Variants in PIP5K1A observed in about 807,000 individuals in gnomAD.
The protein encoded by PIP5K1A is phosphatidylinositol-4-phosphate 5-kinase type 1 alpha, also known as phosphatidylinositol 4-phosphate 5-kinase type-1 alpha.
A neutral mutation model predicts 72.9 loss-of-function variants in PIP5K1A; 46 were observed. The observed-to-expected ratio is 0.63, with a 90% CI of 0.50 to 0.81. The LOEUF (loss-of-function observed/expected upper bound fraction) is 0.81, where lower values mean the gene tolerates loss of function less well. Among genes scored for constraint, PIP5K1A ranks in the 30% least tolerant of loss-of-function variants. The pLI, the probability that PIP5K1A is intolerant of heterozygous loss-of-function variation, is 0.00. For synonymous variants in PIP5K1A, 228 were observed against 255.1 expected (o/e 0.89, Z 1.01); for missense variants, 458 against 706.1 (o/e 0.65, Z 3.98).
chr1:151,247,419 A>G (rs1338860076), intron 15 of PIP5K1A, among the ~76,000 whole-genome samples: 1 of 146,120 alleles, frequency 6.8e-6, no homozygotes, highest in African/African-American at 2.6e-5. Context: ...GAGCCATTGC[A>G]CCCAGCCATC....
At chr1:151,230,553 CT>C (rs993052841) in intron 4 of PIP5K1A, among the ~76,000 whole-genome samples, 2 of 151,784 alleles carry the variant, frequency 1.3e-5, no homozygotes, top group East Asian at 1.9e-4. Context: ...CACTGTTGCC[CT>C]TTTTTTTGAG....
intron 1 of PIP5K1A, among the ~76,000 whole-genome samples, chr1:151,208,356 CTTTTCT>C (rs911637037): frequency 2.5e-5 from 3 of 119,534 alleles, no homozygotes; most frequent in Non-Finnish European, 3.4e-5. Flanking sequence ...GCTTGGTTTT[CTTTTCT>C]TTTTTTTTTT....
At chr1:151,242,010 T>G in intron 12 of PIP5K1A, 113 bp from the exon 13 acceptor site, 2 of 1,074,010 alleles carry the variant, frequency 1.9e-6, no homozygotes, top group South Asian at 2.8e-5. Flanking sequence ...GCCTTTTCAC[T>G]TTTCAGACCA....
intron 1 of PIP5K1A, among the ~76,000 whole-genome samples, chr1:151,208,336 C>T (rs1686239537): frequency 6.7e-6 from 1 of 149,850 alleles, no homozygotes; most frequent in South Asian, 2.1e-4. Context: ...TAGCTTTTCT[C>T]TGAAATGTGG....
chr1:151,248,216 T>A lies in PIP5K1A; in HGVS notation c.*351T>A. 1 of 356,544 alleles carries A rather than the reference T, an allele frequency of 2.8e-6. No homozygotes were observed. Among genetic ancestry groups the A allele is most frequent in the Non-Finnish European group, 5.2e-6 (1 of 191,966 alleles). 22.1% of individuals were successfully genotyped at this position (356,544 alleles called of 1,614,324 possible). ...AATGGGATTGCTGGACTTGGCAGCTTTCTTTCCCCTCGTCTTTGACTAGGA... is the reference window on the plus strand; with the variant it reads ...AATGGGATTGCTGGACTTGGCAGCTATCTTTCCCCTCGTCTTTGACTAGGA... On this transcript the variant is annotated 3_prime_UTR_variant, in exon 16 of 16. Coordinates refer to ENST00000368888, the MANE Select transcript of PIP5K1A (RefSeq NM_001135638.2).
Position 151,198,694 on chromosome 1 carries a change from C to T in PIP5K1A, c.-303C>T, listed in dbSNP as rs182544951. ...TTTCAGATGTGGCTTGGTCTGGGCG[C>T]AAGGTCCCAGCAGCCAGCTTAAGCT... On this transcript the variant is annotated 5_prime_UTR_variant, in exon 1 of 16. An upstream open reading frame in the 5' UTR gains an earlier in-frame stop. Coordinates refer to ENST00000368888, the MANE Select transcript of PIP5K1A (RefSeq NM_001135638.2). 2.1e-3 allele frequency: 907 copies of T among 429,316 alleles called. 8 individuals are homozygous for T. Among genetic ancestry groups the T allele is most frequent in the African/African-American group, 0.016 (816 of 50,716 alleles). The allele number at this position is 429,316 out of a possible 1,614,324, so 26.6% of individuals were successfully genotyped here.
At chr1:151,199,550 C>T (rs1440522450) in intron 1 of PIP5K1A, among the ~76,000 whole-genome samples, 1 of 151,146 alleles carries the variant, frequency 6.6e-6, no homozygotes, top group Non-Finnish European at 1.5e-5. Flanking sequence ...GGAGGCAGAG[C>T]TTGCGGTGAG....
rs1028652605 is a variant in PIP5K1A, at chr1:151,198,602, A to T, written c.-395A>T. 4.7e-6 allele frequency: 1 copy of T among 211,898 alleles called. No individual in the cohort carries two copies. The highest frequency in any genetic ancestry group is 8.0e-5 in the South Asian group (1 of 12,466). 13.1% of individuals were successfully genotyped at this position (211,898 alleles called of 1,614,324 possible). Reference sequence around the variant, plus strand: ...GAAGCGGCCGGGTTGGGCGATTAACAGGCCGTGGTTAGGAAGGACGGAGAA... The same window carrying T: ...GAAGCGGCCGGGTTGGGCGATTAACTGGCCGTGGTTAGGAAGGACGGAGAA... On this transcript the variant is annotated 5_prime_UTR_variant, in exon 1 of 16. Coordinates refer to ENST00000368888, the MANE Select transcript of PIP5K1A (RefSeq NM_001135638.2).
intron 3 of PIP5K1A, among the ~76,000 whole-genome samples, chr1:151,226,933 G>A (rs982694212): frequency 6.6e-6 from 1 of 150,702 alleles, no homozygotes; most frequent in Non-Finnish European, 1.5e-5. Flanking sequence ...AGGCTGAGGC[G>A]AGAGAATTGC....
chr1:151,207,203 T>A (rs1343025092), intron 1 of PIP5K1A, among the ~76,000 whole-genome samples: 2 of 152,162 alleles, frequency 1.3e-5, no homozygotes, highest in Non-Finnish European at 2.9e-5. Flanking sequence ...GCAGAATTCA[T>A]TGCTGTTTCA....
intron 8 of PIP5K1A, among the ~76,000 whole-genome samples, chr1:151,234,734 G>A (rs770887687): frequency 2.0e-5 from 3 of 152,148 alleles, no homozygotes; most frequent in Non-Finnish European, 4.4e-5. Flanking sequence ...ACAGTCAAAT[G>A]TTCTGCTTAT....
intron 1 of PIP5K1A, among the ~76,000 whole-genome samples, chr1:151,219,769 T>C (rs1224292100): frequency 2.0e-5 from 3 of 151,318 alleles, no homozygotes; most frequent in African/African-American, 7.3e-5. Context: ...TTTGGGAGGC[T>C]GAGGTGGAAG....
intron 1 of PIP5K1A, among the ~76,000 whole-genome samples, chr1:151,201,515 A>G (rs1490705614): frequency 6.6e-6 from 1 of 151,756 alleles, no homozygotes; most frequent in Non-Finnish European, 1.5e-5. Flanking sequence ...ATGCCTGGCT[A>G]TTTTATTTTT....
intron 1 of PIP5K1A, among the ~76,000 whole-genome samples, chr1:151,216,900 GTTT>G (rs78155966): frequency 2.3e-4 from 32 of 136,738 alleles, no homozygotes; most frequent in African/African-American, 6.3e-4. Context: ...CTTAGTAAAT[GTTT>G]TTTTTTTTTT....
intron 10 of PIP5K1A, 112 bp from the exon 11 acceptor site, chr1:151,239,018 G>T: frequency 1.4e-6 from 1 of 731,016 alleles, no homozygotes. Context: ...TGCTTTCTCA[G>T]CTTCTGTCTT....
chr1:151,213,140 T>G (rs898355798), intron 1 of PIP5K1A, among the ~76,000 whole-genome samples: 1 of 151,982 alleles, frequency 6.6e-6, no homozygotes, highest in African/African-American at 2.4e-5. Context: ...TCCCCCGCCT[T>G]GGCCTCCCAA....
In PIP5K1A at chr1:151,247,799, C is replaced by T. The variant is rs943328933; in HGVS notation, c.1687-64C>T. 3.6e-5 allele frequency: 50 copies of T among 1,374,546 alleles called. No homozygotes were observed. The South Asian group carries it at 6.0e-4, about 17-fold the overall frequency. 85.1% of individuals were successfully genotyped at this position (1,374,546 alleles called of 1,614,324 possible). Reference sequence around the variant, plus strand: ...AGGCTGAAATAGAAATTTCTTAACGCTTGAATTCCATTTCTGCTTAATCTC... The same window carrying T: ...AGGCTGAAATAGAAATTTCTTAACGTTTGAATTCCATTTCTGCTTAATCTC... On this transcript the variant is annotated intron_variant, in intron 15 of 15. Coordinates refer to ENST00000368888, the MANE Select transcript of PIP5K1A (RefSeq NM_001135638.2).
chr1:151,225,761 C>T lies in PIP5K1A; in HGVS notation c.156+1355C>T, dbSNP rs587703857. Among the ~76,000 whole-genome samples, 9 of 151,900 alleles carry T rather than the reference C, an allele frequency of 5.9e-5. No homozygotes were observed. The South Asian group carries it at 1.2e-3, about 21-fold the overall frequency. ...CTGGGATTACAGGTGTGAGCCACTG[C>T]GCCTGGCCTCTTTTCTTTTTTCTTT... On this transcript the variant is annotated intron_variant, in intron 3 of 15. Transcript: ENST00000368888.
intron 1 of PIP5K1A, among the ~76,000 whole-genome samples, chr1:151,220,965 A>G (rs1466790970): frequency 6.6e-6 from 1 of 152,218 alleles, no homozygotes; most frequent in African/African-American, 2.4e-5. Flanking sequence ...CTACAGTGGT[A>G]TTGTCACATC....
Sources: allele counts gnomAD v4.1 joint callset (sites outside exome capture counted in the v4.1 genomes callset), GRCh38; gene constraint gnomAD v4.1.1; transcripts MANE v1.5; gene names NCBI Gene and HGNC (gene_info 2026-07-23, HGNC 2026-07-21).